MYO3A: variants seen among roughly 807,000 people sequenced by gnomAD.
MYO3A encodes myosin IIIA, also known as myosin-IIIa.
A neutral mutation model predicts 192.7 loss-of-function variants in MYO3A; 180 were observed. The observed-to-expected ratio is 0.93, with a 90% CI of 0.83 to 1.06. The LOEUF is 1.06. MYO3A is among the 50% of genes least tolerant of loss of function. The probability of loss-of-function intolerance (pLI) is 0.00; values close to 1 mark genes in which losing one functional copy is unlikely to be tolerated. For synonymous variants in MYO3A, 628 were observed against 645.3 expected (o/e 0.97, Z 0.41); for missense variants, 1,896 against 1,905.0 (o/e 1.00, Z 0.09).
At chr10:25,946,824 G>A (rs918842980) in intron 2 of MYO3A, among the ~76,000 whole-genome samples, 2 of 128,274 alleles carry the variant, frequency 1.6e-5, no homozygotes, top group Admixed American at 1.9e-4. Flanking sequence ...CTTGCAGTGA[G>A]CCAAGATCAC....
chr10:25,995,720 C>T (rs1840384412), intron 4 of MYO3A, among the ~76,000 whole-genome samples: 1 of 152,200 alleles, frequency 6.6e-6, no homozygotes, highest in Admixed American at 6.5e-5. Flanking sequence ...TTCCTTTTAA[C>T]AGTCAGGACC....
chr10:25,955,002 T>C lies in MYO3A; in HGVS notation c.297T>C (p.Val99=). The C allele has an allele frequency of 6.2e-7, 1 of 1,612,876 alleles. No individual in the cohort carries two copies. Among genetic ancestry groups the C allele is most frequent in the Non-Finnish European group, 8.5e-7 (1 of 1,179,130 alleles). ...DKVNGDKLWL[V]LELCSGGSVT... is the part of the protein sequence containing the mutation. ...TAAATGGAGACAAGCTGTGGTTGGT[T>C]CTTGAGGTAAGTGTGTCAGCATCAT... is the stretch of plus-strand genomic sequence containing the variant. The change falls in exon 4 of 35, where the codon GTT becomes GTC. Residue 99 remains valine, a synonymous_variant. Transcript: ENST00000642920.
intron 2 of MYO3A, among the ~76,000 whole-genome samples, chr10:25,948,917 T>G (rs1837030811): frequency 6.6e-6 from 1 of 152,134 alleles, no homozygotes; most frequent in African/African-American, 2.4e-5. Flanking sequence ...TAAATAATGT[T>G]TTACACTATA....
intron 10 of MYO3A, among the ~76,000 whole-genome samples, chr10:26,031,062 A>T (rs1203682711): frequency 6.6e-6 from 1 of 152,144 alleles, no homozygotes; most frequent in African/African-American, 2.4e-5. Flanking sequence ...TTGAAAGAAA[A>T]TTTTTCTTAT....
intron 2 of MYO3A, among the ~76,000 whole-genome samples, chr10:25,940,082 CTGTTTAGG>C (rs1836382365): frequency 6.6e-6 from 1 of 151,996 alleles, no homozygotes; most frequent in African/African-American, 2.4e-5. Flanking sequence ...TCTTTTCTCT[CTGTTTAGG>C]TTTTAGGTGG....
At chr10:26,076,603 A>G (rs184219631) in intron 14 of MYO3A, among the ~76,000 whole-genome samples, 11 of 152,216 alleles carry the variant, frequency 7.2e-5, no homozygotes, top group Admixed American at 2.6e-4. Flanking sequence ...GGTTTTTCCA[A>G]TGTTACCTTC....
chr10:26,024,376 G>A (rs1361623289), intron 9 of MYO3A, among the ~76,000 whole-genome samples: 3 of 152,110 alleles, frequency 2.0e-5, no homozygotes, highest in Non-Finnish European at 4.4e-5. Flanking sequence ...CATTTCATAT[G>A]AGATGGGTCT....
chr10:26,187,661 G>A (rs1394111838), intron 31 of MYO3A, among the ~76,000 whole-genome samples: 1 of 112,998 alleles, frequency 8.8e-6, no homozygotes, highest in South Asian at 3.0e-4. Flanking sequence ...CCCACAACAG[G>A]CACCGATGTG....
chr10:26,205,807 G>A (rs1843904981), intron 34 of MYO3A, among the ~76,000 whole-genome samples: 1 of 151,546 alleles, frequency 6.6e-6, no homozygotes, highest in African/African-American at 2.4e-5. Flanking sequence ...TTTTAGTAGA[G>A]ACAGGGTTTC....
At chr10:25,992,266 C>G (rs186755867) in intron 4 of MYO3A, among the ~76,000 whole-genome samples, 7,902 of 152,064 alleles carry the variant, frequency 0.052, 723 homozygotes, top group African/African-American at 0.18. Flanking sequence ...ATTTTATTCT[C>G]TTTGAAGCAA....
chr10:26,011,994 A>C (rs1184739556), intron 6 of MYO3A, among the ~76,000 whole-genome samples: 2 of 152,240 alleles, frequency 1.3e-5, no homozygotes, highest in African/African-American at 4.8e-5. Flanking sequence ...ATTAAAACCC[A>C]AAACCATATG....
chr10:26,147,381 G>C, intron 22 of MYO3A, 49 bp from the exon 23 acceptor site: 1 of 1,507,376 alleles, frequency 6.6e-7, no homozygotes, highest in South Asian at 1.1e-5. Flanking sequence ...AGGAGGAGGA[G>C]GATGACAATG....
chr10:26,052,824 A>G (rs1339233184), intron 10 of MYO3A, among the ~76,000 whole-genome samples: 2 of 147,132 alleles, frequency 1.4e-5, no homozygotes, highest in South Asian at 2.1e-4. Flanking sequence ...TCAGGCAACA[A>G]TAGTTGTTTT....
chr10:25,999,042 C>T lies in MYO3A; in HGVS notation c.508+1784C>T, dbSNP rs547988579. On this transcript the variant is annotated intron_variant, in intron 6 of 34. Coordinates refer to ENST00000642920, the MANE Select transcript of MYO3A (RefSeq NM_017433.5). ...CCTACCTAGTAGCTGGGACTACAGG[C>T]GCCCACCACCATGCCTGGCTAATTT... 3.0e-4 allele frequency among the ~76,000 whole-genome samples: 46 copies of T among 152,150 alleles called. No individual in the cohort carries two copies. The South Asian group carries it at 7.3e-3, about 24-fold the overall frequency.
At chr10:26,100,414 C>G (rs1004337241) in intron 17 of MYO3A, among the ~76,000 whole-genome samples, 6 of 152,160 alleles carry the variant, frequency 3.9e-5, no homozygotes, top group Non-Finnish European at 7.4e-5. Flanking sequence ...TTCAGTTCTG[C>G]TCTTGTCTTA....
At chr10:26,032,022 CA>C (rs1482839392) in intron 10 of MYO3A, among the ~76,000 whole-genome samples, 2 of 152,080 alleles carry the variant, frequency 1.3e-5, no homozygotes, top group African/African-American at 4.8e-5. Context: ...ATATACAATG[CA>C]AAATAACTTT....
At chr10:26,117,055 A>G (rs1838551212) in intron 17 of MYO3A, among the ~76,000 whole-genome samples, 1 of 152,178 alleles carries the variant, frequency 6.6e-6, no homozygotes. Flanking sequence ...TTGGTGTATC[A>G]TACATTCCCC....
intron 29 of MYO3A, among the ~76,000 whole-genome samples, chr10:26,171,974 A>G (rs948730829): frequency 1.3e-5 from 2 of 152,206 alleles, no homozygotes; most frequent in African/African-American, 4.8e-5. Context: ...TGCACACAAG[A>G]TCCACTTCAG....
intron 10 of MYO3A, among the ~76,000 whole-genome samples, chr10:26,060,927 A>AT (rs1301496607): frequency 4.3e-5 from 5 of 116,968 alleles, no homozygotes; most frequent in Admixed American, 1.6e-4. Flanking sequence ...TTTTATTTTT[A>AT]TTTTATTTTA....
Sources: gnomAD v4.1 joint callset for allele counts (sites outside exome capture counted in the v4.1 genomes callset) on GRCh38, gnomAD v4.1.1 for gene constraint, MANE v1.5 for transcripts, NCBI Gene and HGNC (gene_info 2026-07-23, HGNC 2026-07-21) for gene names.